EBF1: variants seen among roughly 807,000 people sequenced by gnomAD.
EBF1 encodes the protein transcription factor COE1.
EBF1 carries 10 observed loss-of-function variants against 68.4 expected under a neutral mutation model. The observed-to-expected ratio is 0.15, with a 90% confidence interval of 0.09 to 0.25. The LOEUF is 0.25. Ranked by LOEUF, EBF1 falls within the 10% of genes least tolerant of loss-of-function variation. The pLI is 1.00. For synonymous variants in EBF1, 298 were observed against 299.8 expected (o/e 0.99, Z 0.06); for missense variants, 509 against 794.4 (o/e 0.64, Z 4.32).
chr5:158,754,160 A>T (rs1334769188), intron 10 of EBF1, among the ~76,000 whole-genome samples: 1 of 152,098 alleles, frequency 6.6e-6, no homozygotes, highest in Non-Finnish European at 1.5e-5. Context: ...CATATTTTAC[A>T]TATTACTGCA....
intron 6 of EBF1, among the ~76,000 whole-genome samples, chr5:159,068,408 TGGTTAGA>T (rs1561936288): frequency 6.6e-6 from 1 of 151,834 alleles, no homozygotes; most frequent in African/African-American, 2.4e-5. Context: ...GATGGATGGA[TGGTTAGA>T]TAGATAGATC....
At chr5:158,741,381 C>T (rs1174910322) in intron 10 of EBF1, among the ~76,000 whole-genome samples, 1 of 151,978 alleles carries the variant, frequency 6.6e-6, no homozygotes, top group Admixed American at 6.6e-5. Flanking sequence ...TTGAAACCAG[C>T]CTGGTCAATA....
chr5:159,097,056 A>C lies in EBF1; in HGVS notation c.209T>G (p.Phe70Cys). 6.2e-7 allele frequency: 1 copy of C among 1,614,038 alleles called. No individual in the cohort carries two copies. The highest frequency in any genetic ancestry group is 1.1e-5 in the South Asian group (1 of 91,048). ...SNLRKSNFFH[F>C]VLALYDRQGQ... ...CTGTCTGTCGTAGAGGGCCAGGACG[A>C]AGTGGAAGAAGTTGGATTTCCGCAG... The change falls in exon 2 of 16, where the codon TTC becomes TGC. Residue 70 changes from phenylalanine (F) to cysteine (C), a missense_variant. Phe to Cys is a radical substitution (Grantham distance 205). Transcript: ENST00000313708.
intron 6 of EBF1, chr5:158,982,897 A>G (rs1248984260): frequency 3.3e-5 from 5 of 152,222 alleles, no homozygotes; most frequent in Non-Finnish European, 7.3e-5. Flanking sequence ...ACAAATGGTT[A>G]GAAACTATGA....
At chr5:159,055,519 A>G (rs1218418639) in intron 6 of EBF1, among the ~76,000 whole-genome samples, 1 of 152,204 alleles carries the variant, frequency 6.6e-6, no homozygotes, top group African/African-American at 2.4e-5. Context: ...GAGCAATTTA[A>G]TGTGTCGAGC....
At chr5:158,773,436 T>C (rs529879891) in intron 10 of EBF1, among the ~76,000 whole-genome samples, 8 of 152,086 alleles carry the variant, frequency 5.3e-5, no homozygotes, top group Non-Finnish European at 8.8e-5. Flanking sequence ...ATGTTTGGAA[T>C]TGGAAAAGTT....
chr5:158,761,806 G>A (rs779376703), intron 10 of EBF1, among the ~76,000 whole-genome samples: 4 of 152,108 alleles, frequency 2.6e-5, no homozygotes, highest in Non-Finnish European at 4.4e-5. Flanking sequence ...GATTTCTTTA[G>A]AAAATGGGAG....
chr5:158,729,829 T>C (rs1763715258), intron 11 of EBF1, among the ~76,000 whole-genome samples: 1 of 152,210 alleles, frequency 6.6e-6, no homozygotes, highest in African/African-American at 2.4e-5. Flanking sequence ...ACACAGGCCC[T>C]TGCTCATCAC....
intron 11 of EBF1, among the ~76,000 whole-genome samples, chr5:158,715,214 G>C (rs1760391084): frequency 6.6e-6 from 1 of 152,160 alleles, no homozygotes; most frequent in African/African-American, 2.4e-5. Flanking sequence ...TACCATTTTT[G>C]ACTGTGGGTA....
At chr5:158,757,339 A>G (rs1770349291) in intron 10 of EBF1, among the ~76,000 whole-genome samples, 1 of 152,220 alleles carries the variant, frequency 6.6e-6, no homozygotes, top group Admixed American at 6.5e-5. Context: ...CCTCCCTTCT[A>G]CTGCATCAAG....
intron 4 of EBF1, among the ~76,000 whole-genome samples, chr5:159,086,488 A>T (rs1369816272): frequency 6.6e-6 from 1 of 152,188 alleles, no homozygotes; most frequent in Non-Finnish European, 1.5e-5. Context: ...TTTATATTTC[A>T]TGACATTGAT....
chr5:158,919,144 T>G (rs1278386660), intron 6 of EBF1, among the ~76,000 whole-genome samples: 1 of 152,184 alleles, frequency 6.6e-6, no homozygotes, highest in Non-Finnish European at 1.5e-5. Flanking sequence ...CACTCTCCAG[T>G]GCTGACATGG....
chr5:158,963,619 T>C (rs1055178235), intron 6 of EBF1, among the ~76,000 whole-genome samples: 3 of 152,192 alleles, frequency 2.0e-5, no homozygotes, highest in Non-Finnish European at 4.4e-5. Flanking sequence ...AAGGTGCTAC[T>C]AGGGAAGCTG....
intron 6 of EBF1, among the ~76,000 whole-genome samples, chr5:158,944,693 A>G (rs1814254489): frequency 1.3e-5 from 2 of 152,310 alleles, no homozygotes; most frequent in South Asian, 4.1e-4. Context: ...CAACAGTGTA[A>G]AAGTGTTCCT....
intron 6 of EBF1, among the ~76,000 whole-genome samples, chr5:158,887,914 A>G (rs1800371077): frequency 6.6e-6 from 1 of 152,190 alleles, no homozygotes; most frequent in African/African-American, 2.4e-5. Flanking sequence ...TCCAGGGTTT[A>G]AGGTGAAGAA....
chr5:158,837,623 T>A (rs1304982433), intron 7 of EBF1, among the ~76,000 whole-genome samples: 2 of 152,176 alleles, frequency 1.3e-5, no homozygotes, highest in Non-Finnish European at 2.9e-5. Flanking sequence ...TTTGTAGATG[T>A]TCTCAAAAAT....
At chr5:159,053,751 A>G (rs1353214879) in intron 6 of EBF1, among the ~76,000 whole-genome samples, 1 of 152,246 alleles carries the variant, frequency 6.6e-6, no homozygotes, top group Admixed American at 6.5e-5. Context: ...TAAAAGGAAC[A>G]TAATTACCAA....
intron 6 of EBF1, among the ~76,000 whole-genome samples, chr5:158,863,523 A>G (rs1795324191): frequency 6.6e-6 from 1 of 152,204 alleles, no homozygotes; most frequent in Non-Finnish European, 1.5e-5. Flanking sequence ...CAAATGATAA[A>G]ATGCTACCTA....
At chr5:158,939,310 C>T (rs753220347) in intron 6 of EBF1, among the ~76,000 whole-genome samples, 12 of 152,168 alleles carry the variant, frequency 7.9e-5, no homozygotes, top group Non-Finnish European at 1.5e-4. Context: ...AAGTACAAAG[C>T]TGAAAGTGCC....
Sources: allele counts gnomAD v4.1 joint callset (sites outside exome capture counted in the v4.1 genomes callset), GRCh38; gene constraint gnomAD v4.1.1; transcripts MANE v1.5; gene names NCBI Gene and HGNC (gene_info 2026-07-23, HGNC 2026-07-21).